Variants in MAF observed in about 807,000 individuals in gnomAD.
MAF encodes MAF bZIP transcription factor, also known as transcription factor Maf.
Under a neutral mutation model 22.0 loss-of-function variants are expected in MAF, and 10 were observed. That is an observed-to-expected ratio of 0.45 (90% CI 0.28 to 0.77). The LOEUF is 0.77. MAF is among the 30% of genes least tolerant of loss of function. The pLI is 0.12. For missense variants in MAF, 544 were observed against 548.4 expected, an observed-to-expected ratio of 0.99 and a Z score of 0.08; for synonymous variants, 337 against 255.8, an observed-to-expected ratio of 1.32 and a Z score of -3.03.
the MAF span, among the ~76,000 whole-genome samples, chr16:79,441,110 T>C: frequency 6.9e-4 from 105 of 152,354 alleles, no homozygotes; most frequent in African/African-American, 2.3e-3. Context: ...AGCCATAGAT[T>C]ACTAGTACAT....
the MAF span, among the ~76,000 whole-genome samples, chr16:79,455,887 G>A: frequency 2.0e-5 from 3 of 152,004 alleles, no homozygotes; most frequent in African/African-American, 4.8e-5. Flanking sequence ...GTGTGGAGGC[G>A]CATTCCTGTA....
At chr16:79,245,641 C>T in the MAF span, among the ~76,000 whole-genome samples, 3,077 of 152,154 alleles carry the variant, frequency 0.02, 114 homozygotes, top group African/African-American at 0.071. Context: ...TTGTGGAAGA[C>T]AGTGTGGCAA....
At chr16:79,481,210 A>G in the MAF span, among the ~76,000 whole-genome samples, 4 of 143,180 alleles carry the variant, frequency 2.8e-5, no homozygotes, top group Admixed American at 2.9e-4. Context: ...ACACTCCTTT[A>G]CTCTTTGTTC....
the MAF span, among the ~76,000 whole-genome samples, chr16:79,522,856 G>A: frequency 6.6e-6 from 1 of 152,178 alleles, no homozygotes; most frequent in African/African-American, 2.4e-5. Flanking sequence ...GGAGAAACTT[G>A]TTTCATGAAC....
chr16:79,596,795 A>G lies in MAF; in HGVS notation c.1118+1990T>C, dbSNP rs1199519406. On this transcript the variant is annotated intron_variant, in intron 1 of 1. Transcript: ENST00000326043. ...AAATCCAGTTCTGCACCACAATACA[A>G]CTGTAAAAAAATCTGCATCATCTTA... is the stretch of plus-strand genomic sequence containing the variant. 6 of 1,048,118 alleles carry G rather than the reference A, an allele frequency of 5.7e-6. No homozygotes were observed. The African/African-American group carries it at 6.7e-5, about 12-fold the overall frequency. 64.9% of individuals were successfully genotyped at this position (1,048,118 alleles called of 1,614,324 possible).
chr16:79,218,081 T>C, the MAF span, among the ~76,000 whole-genome samples: 3 of 146,672 alleles, frequency 2.0e-5, no homozygotes, highest in African/African-American at 7.5e-5. Context: ...ATATCCAAGC[T>C]AGTTTAGCTG....
At chr16:79,523,391 A>T in the MAF span, among the ~76,000 whole-genome samples, 1 of 152,250 alleles carries the variant, frequency 6.6e-6, no homozygotes, top group South Asian at 2.1e-4. Flanking sequence ...AAATGAGGTT[A>T]TGTTGAAGCT....
the MAF span, among the ~76,000 whole-genome samples, chr16:79,486,968 T>G: frequency 6.6e-6 from 1 of 152,192 alleles, no homozygotes; most frequent in African/African-American, 2.4e-5. Context: ...ATCCTAAATC[T>G]GCTGCCCAGA....
the MAF span, among the ~76,000 whole-genome samples, chr16:79,419,451 G>C: frequency 6.6e-6 from 1 of 152,226 alleles, no homozygotes; most frequent in African/African-American, 2.4e-5. Context: ...CAGTGATTCT[G>C]TCCTCAGTCG....
At chr16:79,284,434 G>T in the MAF span, among the ~76,000 whole-genome samples, 1 of 152,088 alleles carries the variant, frequency 6.6e-6, no homozygotes, top group African/African-American at 2.4e-5. Context: ...ACTATATGCT[G>T]GGCCTAAAGT....
chr16:79,477,934 G>A, the MAF span, among the ~76,000 whole-genome samples: 1 of 151,714 alleles, frequency 6.6e-6, no homozygotes, highest in Admixed American at 6.6e-5. Flanking sequence ...ATGTTGGCCA[G>A]GCTGGTCTCG....
chr16:79,386,025 G>T, the MAF span, among the ~76,000 whole-genome samples: 1 of 152,180 alleles, frequency 6.6e-6, no homozygotes, highest in Non-Finnish European at 1.5e-5. Flanking sequence ...CCTGTCCTCA[G>T]AGCTTAGAGC....
the MAF span, among the ~76,000 whole-genome samples, chr16:79,513,957 A>T: frequency 6.6e-6 from 1 of 152,358 alleles, no homozygotes; most frequent in East Asian, 1.9e-4. Context: ...AAAGGAAAGA[A>T]TGGAATCAAT....
At chr16:79,381,641 G>A in the MAF span, among the ~76,000 whole-genome samples, 2 of 152,154 alleles carry the variant, frequency 1.3e-5, no homozygotes, top group African/African-American at 2.4e-5. Flanking sequence ...TCTGTCTGGG[G>A]GCCCATGTTC....
At chr16:79,397,478 T>C in the MAF span, among the ~76,000 whole-genome samples, 4 of 152,234 alleles carry the variant, frequency 2.6e-5, no homozygotes, top group African/African-American at 2.4e-5. Context: ...CAGAATGTTC[T>C]TTTTTAGAAA....
At chr16:79,265,200 G>A in the MAF span, among the ~76,000 whole-genome samples, 357 of 152,270 alleles carry the variant, frequency 2.3e-3, 1 homozygote, top group African/African-American at 7.8e-3. Flanking sequence ...AGTTGAATAA[G>A]GATGTATTCC....
the MAF span, among the ~76,000 whole-genome samples, chr16:79,496,050 T>A: frequency 6.6e-6 from 1 of 152,186 alleles, no homozygotes; most frequent in Non-Finnish European, 1.5e-5. Context: ...TCTTGCAGCC[T>A]TGTGCGAGAC....
the MAF span, among the ~76,000 whole-genome samples, chr16:79,300,846 A>T: frequency 1.8e-4 from 27 of 152,144 alleles, no homozygotes; most frequent in Non-Finnish European, 3.5e-4. Flanking sequence ...AGTCCATTGT[A>T]TTAATGTCAA....
chr16:79,250,944 G>A, the MAF span, among the ~76,000 whole-genome samples: 453 of 152,230 alleles, frequency 3.0e-3, 7 homozygotes, highest in Admixed American at 0.023. Flanking sequence ...TAATAATTCC[G>A]ATTACAAAAG....
Sources: gnomAD v4.1 joint callset for allele counts (sites outside exome capture counted in the v4.1 genomes callset) on GRCh38, gnomAD v4.1.1 for gene constraint, MANE v1.5 for transcripts, NCBI Gene and HGNC (gene_info 2026-07-23, HGNC 2026-07-21) for gene names.